SORBS2: variants seen among roughly 807,000 people sequenced by gnomAD.
The protein encoded by SORBS2 is sorbin and SH3 domain-containing protein 2.
In SORBS2, 46 loss-of-function variants were observed where a neutral mutation model predicts 97.7. That is an observed-to-expected ratio of 0.47 (90% CI 0.37 to 0.60). SORBS2 has a LOEUF of 0.60. SORBS2 is among the 20% of genes least tolerant of loss of function. SORBS2 has a pLI of 0.00. For missense variants in SORBS2, 1,316 were observed against 1,282.3 expected (o/e 1.03, Z -0.40); for synonymous variants, 476 against 473.4 (o/e 1.01, Z -0.07).
At chr4:185,741,411 T>C (rs538201346) in intron 2 of SORBS2, among the ~76,000 whole-genome samples, 3 of 144,858 alleles carry the variant, frequency 2.1e-5, no homozygotes, top group African/African-American at 7.6e-5. Flanking sequence ...TTTGTTTTTT[T>C]TTTTTTTTTT....
At chr4:185,944,228 G>A (rs2099273459) in intron 1 of SORBS2, among the ~76,000 whole-genome samples, 1 of 152,180 alleles carries the variant, frequency 6.6e-6, no homozygotes, top group South Asian at 2.1e-4. Flanking sequence ...CTAAGTAAGT[G>A]ACTGGCAAGA....
At chr4:185,601,918 G>A (rs2096271006) in intron 12 of SORBS2, among the ~76,000 whole-genome samples, 1 of 152,206 alleles carries the variant, frequency 6.6e-6, no homozygotes, top group Non-Finnish European at 1.5e-5. Context: ...TCTCCTCACA[G>A]AGCTTCCGCT....
In SORBS2 at chr4:185,730,320, T is replaced by A. The variant is rs891625107; in HGVS notation, c.-198+44907A>T. Among the ~76,000 whole-genome samples the A allele has an allele frequency of 2.5e-4, 38 of 151,676 alleles. No individual in the cohort carries two copies. In the East Asian group the frequency reaches 6.9e-3, roughly 28 times the overall value. On this transcript the variant is annotated intron_variant, in intron 2 of 20. Coordinates refer to the SORBS2 transcript ENST00000284776. ...AGGTCAATATACTTTCTTTTTTTTT[T>A]TTTTTTTTGGAAAAGAAATATTCCT...
chr4:185,621,499 G>A (rs2096719170), intron 7 of SORBS2, among the ~76,000 whole-genome samples: 1 of 152,182 alleles, frequency 6.6e-6, no homozygotes, highest in South Asian at 2.1e-4. Flanking sequence ...GGAGAAGGTA[G>A]CTAATTTATT....
rs537749100 is a variant in SORBS2, at chr4:185,656,647, C to T, written c.-9G>A. On this transcript the variant is annotated 5_prime_UTR_variant, in exon 1 of 15. Transcript: ENST00000418609. ...GGTGTTGTTGCTTTCATCCTGTCCC[C>T]GGCTTCCTTCTCCCGGCTGGCACAA... 6.0e-5 allele frequency: 93 copies of T among 1,551,068 alleles called. 1 individual carries two copies. In the South Asian group the frequency reaches 8.7e-4, roughly 15 times the overall value.
intron 2 of SORBS2, among the ~76,000 whole-genome samples, chr4:185,652,362 T>G (rs1172113957): frequency 2.0e-5 from 3 of 152,116 alleles, no homozygotes; most frequent in Non-Finnish European, 4.4e-5. Flanking sequence ...AGGAACAATG[T>G]GTTTTTCACC....
At chr4:185,910,120 C>G (rs1392386531) in intron 1 of SORBS2, among the ~76,000 whole-genome samples, 1 of 152,160 alleles carries the variant, frequency 6.6e-6, no homozygotes, top group African/African-American at 2.4e-5. Flanking sequence ...CAAATTCCAG[C>G]CAGGCCAAGG....
chr4:185,711,296 A>G (rs2098418747), intron 2 of SORBS2, among the ~76,000 whole-genome samples: 1 of 152,178 alleles, frequency 6.6e-6, no homozygotes, highest in East Asian at 1.9e-4. Flanking sequence ...TGGCCCTGAC[A>G]TGAGACTCTT....
chr4:185,921,202 C>T (rs752558911), intron 1 of SORBS2, among the ~76,000 whole-genome samples: 7 of 152,224 alleles, frequency 4.6e-5, no homozygotes, highest in Non-Finnish European at 7.3e-5. Flanking sequence ...GACAGCTACG[C>T]TTTAATCTTT....
At chr4:185,624,573 G>A in intron 6 of SORBS2, 79 bp from the exon 19 acceptor site, 1 of 1,433,056 alleles carries the variant, frequency 7.0e-7, no homozygotes. Context: ...GAGCATGTCA[G>A]TAAAGCATCA....
chr4:185,787,473 G>T (rs2099061557), intron 1 of SORBS2, among the ~76,000 whole-genome samples: 1 of 152,186 alleles, frequency 6.6e-6, no homozygotes, highest in African/African-American at 2.4e-5. Context: ...TACGACCCGA[G>T]GGGATTATAA....
At chr4:185,789,072 C>A (rs2099069017) in intron 1 of SORBS2, among the ~76,000 whole-genome samples, 1 of 152,214 alleles carries the variant, frequency 6.6e-6, no homozygotes, top group African/African-American at 2.4e-5. Context: ...GCGCTCTGGA[C>A]TCCAATTATT....
chr4:185,917,933 C>T (rs6848012), intron 1 of SORBS2, among the ~76,000 whole-genome samples: 19,790 of 151,976 alleles, frequency 0.13, 1,814 homozygotes, highest in African/African-American at 0.26. Context: ...TGACTGTCAA[C>T]GATAGAACGG....
At chr4:185,640,023 C>T (rs746960870) in intron 4 of SORBS2, among the ~76,000 whole-genome samples, 1 of 152,160 alleles carries the variant, frequency 6.6e-6, no homozygotes, top group Non-Finnish European at 1.5e-5. Flanking sequence ...TAATGATACA[C>T]AGTCTACACT....
At chr4:185,853,001 A>T (rs2099218776) in intron 1 of SORBS2, among the ~76,000 whole-genome samples, 1 of 152,140 alleles carries the variant, frequency 6.6e-6, no homozygotes, top group Non-Finnish European at 1.5e-5. Context: ...CACTTTAAAT[A>T]TAAGTGATGG....
intron 1 of SORBS2, among the ~76,000 whole-genome samples, chr4:185,949,796 A>G (rs904298035): frequency 6.6e-6 from 1 of 152,136 alleles, no homozygotes; most frequent in African/African-American, 2.4e-5. Flanking sequence ...CCTATTTGGG[A>G]ACTATAACTG....
intron 5 of SORBS2, among the ~76,000 whole-genome samples, chr4:185,630,233 C>T (rs2096884732): frequency 6.6e-6 from 1 of 151,726 alleles, no homozygotes; most frequent in African/African-American, 2.4e-5. Context: ...ATTATAAGGG[C>T]CATTTAACAA....
chr4:185,837,897 T>C (rs115765033), intron 1 of SORBS2, among the ~76,000 whole-genome samples: 1,602 of 152,232 alleles, frequency 0.011, 25 homozygotes, highest in African/African-American at 0.034. Context: ...TGGATTCTTT[T>C]GTAGGGCTGC....
At chr4:185,618,415 C>T (rs903175664) in intron 9 of SORBS2, among the ~76,000 whole-genome samples, 170 bp downstream of exon 21, 1 of 152,210 alleles carries the variant, frequency 6.6e-6, no homozygotes, top group Non-Finnish European at 1.5e-5. Flanking sequence ...TAATTCTCAA[C>T]TAAACTTAAA....
Sources: gnomAD v4.1 joint callset for allele counts (sites outside exome capture counted in the v4.1 genomes callset) on GRCh38, gnomAD v4.1.1 for gene constraint, MANE v1.5 for transcripts, NCBI Gene and HGNC (gene_info 2026-07-23, HGNC 2026-07-21) for gene names.